The following ARHGAP42 variants were observed in gnomAD, a reference collection of about 807,000 sequenced individuals.
ARHGAP42 encodes the protein rho GTPase-activating protein 42.
Under a neutral mutation model 125.0 loss-of-function variants are expected in ARHGAP42, and 63 were observed. The ratio of observed to expected loss-of-function variants is 0.50; its 90% confidence interval spans 0.41 to 0.62. The LOEUF is 0.62. Ranked by LOEUF, ARHGAP42 falls within the 20% of genes least tolerant of loss-of-function variation. The pLI is 0.00. For synonymous variants in ARHGAP42, 339 were observed against 351.0 expected (o/e 0.97, Z 0.38); for missense variants, 766 against 1,024.2 (o/e 0.75, Z 3.44).
At chr11:100,715,635 A>G (rs1861647288) in intron 1 of ARHGAP42, among the ~76,000 whole-genome samples, 1 of 152,178 alleles carries the variant, frequency 6.6e-6, no homozygotes. Context: ...CCTGTCAGTG[A>G]TAGACTTTAG....
Position 100,979,043 on chromosome 11 carries a change from C to G in ARHGAP42, c.2450C>G (p.Ser817Cys), listed in dbSNP as rs904495849. ...ENVGSPKPVS[S>C]GRQAKAMYSC... ...GTTGGTTCACCTAAACCAGTTTCTT[C>G]TGGGCGGTAAGTTCTCCAAACCCTT... The change falls in exon 22 of 24, where the codon TCT (serine) becomes TGT (cysteine). Residue 817 changes from serine to cysteine, a missense_variant. By Grantham distance (112) the Ser-to-Cys change is moderately radical. Around this residue, in one of 3 missense-constraint regions of ARHGAP42, gnomAD observed 308 missense variants for 369.7 expected, o/e 0.83. Transcript: ENST00000298815. 67 of 1,551,436 alleles carry G rather than the reference C, an allele frequency of 4.3e-5. No homozygotes were observed. The highest frequency in any genetic ancestry group is 3.3e-4 in the Middle Eastern group (2 of 6,012).
intron 12 of ARHGAP42, among the ~76,000 whole-genome samples, chr11:100,959,603 C>G (rs1400774700): frequency 6.6e-6 from 1 of 152,030 alleles, no homozygotes; most frequent in Non-Finnish European, 1.5e-5. Context: ...AAAGAAAACA[C>G]GTAGTAAAGG....
chr11:100,912,040 C>A (rs1449232048), intron 4 of ARHGAP42, among the ~76,000 whole-genome samples: 2 of 152,198 alleles, frequency 1.3e-5, no homozygotes, highest in African/African-American at 4.8e-5. Context: ...TACCAGCTCA[C>A]TTCCTAAAAT....
intron 1 of ARHGAP42, among the ~76,000 whole-genome samples, chr11:100,747,980 C>A (rs370243782): frequency 2.0e-5 from 3 of 151,564 alleles, no homozygotes; most frequent in African/African-American, 7.3e-5. Context: ...TTCTACCCCC[C>A]ACCCCCCTTT....
chr11:100,943,643 C>A, intron 9 of ARHGAP42, 116 bp from the exon 10 acceptor site: 2 of 637,948 alleles, frequency 3.1e-6, no homozygotes, highest in Non-Finnish European at 5.2e-6. Flanking sequence ...TGATTGTGAC[C>A]TTTATACATA....
At chr11:100,721,694 G>A (rs1008116548) in intron 1 of ARHGAP42, among the ~76,000 whole-genome samples, 8 of 151,902 alleles carry the variant, frequency 5.3e-5, no homozygotes, top group Non-Finnish European at 1.0e-4. Flanking sequence ...GGGTGGTCTC[G>A]AGCTCCTGAC....
rs545875716 is a variant in ARHGAP42 at position 100,910,471 on chromosome 11, T to A, written c.385-2981T>A. ...TTACAGTATGAAGTCTCTATTTTTTTAAAATAATGCCATATCAATAAGAAA... is the reference window on the plus strand; with the variant it reads ...TTACAGTATGAAGTCTCTATTTTTTAAAAATAATGCCATATCAATAAGAAA... On this transcript the variant is annotated intron_variant, in intron 4 of 23. Coordinates refer to ENST00000298815, the MANE Select transcript of ARHGAP42 (RefSeq NM_152432.4). 1.6e-3 allele frequency among the ~76,000 whole-genome samples: 248 copies of A among 152,286 alleles called. 1 individual carries two copies. Among genetic ancestry groups the A allele is most frequent in the Non-Finnish European group, 2.2e-3 (151 of 68,018 alleles).
At chr11:100,692,497 T>C (rs779031981) in intron 1 of ARHGAP42, among the ~76,000 whole-genome samples, 5 of 152,236 alleles carry the variant, frequency 3.3e-5, no homozygotes, top group Non-Finnish European at 7.3e-5. Context: ...ATTCATTTTC[T>C]CACACTTTTC....
chr11:100,893,500 A>G (rs1866273723), intron 4 of ARHGAP42, among the ~76,000 whole-genome samples: 1 of 152,166 alleles, frequency 6.6e-6, no homozygotes, highest in African/African-American at 2.4e-5. Flanking sequence ...CATAAATAAG[A>G]CTGAAGGTGA....
chr11:100,711,304 T>C (rs141946867), intron 1 of ARHGAP42, among the ~76,000 whole-genome samples: 24 of 152,338 alleles, frequency 1.6e-4, no homozygotes, highest in Non-Finnish European at 2.2e-4. Context: ...TAGTCTCTTA[T>C]AGGTCCTTTA....
At chr11:100,925,502 C>G (rs1382362660) in intron 6 of ARHGAP42, among the ~76,000 whole-genome samples, 2 of 151,852 alleles carry the variant, frequency 1.3e-5, no homozygotes, top group East Asian at 3.9e-4. Flanking sequence ...CTTTGGGAGG[C>G]TGAGGCAGGC....
chr11:100,729,904 A>G (rs1038282520), intron 1 of ARHGAP42, among the ~76,000 whole-genome samples: 1 of 149,334 alleles, frequency 6.7e-6, no homozygotes, highest in Non-Finnish European at 1.5e-5. Flanking sequence ...TCTGCCTCCT[A>G]AGTTTAAGCG....
chr11:100,827,487 C>T (rs1481023556), intron 3 of ARHGAP42, among the ~76,000 whole-genome samples: 4 of 152,170 alleles, frequency 2.6e-5, no homozygotes, highest in Non-Finnish European at 5.9e-5. Flanking sequence ...GCATTCCTAA[C>T]CCAAAGGTGC....
At chr11:100,708,860 T>G (rs1441682328) in intron 1 of ARHGAP42, among the ~76,000 whole-genome samples, 1 of 152,180 alleles carries the variant, frequency 6.6e-6, no homozygotes, top group Non-Finnish European at 1.5e-5. Context: ...ATTGCTATAA[T>G]AAAGTTTAAT....
intron 4 of ARHGAP42, among the ~76,000 whole-genome samples, chr11:100,912,942 A>G (rs1220199421): frequency 5.3e-5 from 8 of 152,034 alleles, no homozygotes; most frequent in Non-Finnish European, 1.2e-4. Context: ...GAGTTGTTTG[A>G]TATTTCAGGT....
intron 3 of ARHGAP42, among the ~76,000 whole-genome samples, chr11:100,832,057 G>A (rs1265944673): frequency 6.6e-6 from 1 of 152,246 alleles, no homozygotes; most frequent in Non-Finnish European, 1.5e-5. Flanking sequence ...GTGTGTGCTG[G>A]ATGATTGGCT....
intron 1 of ARHGAP42, among the ~76,000 whole-genome samples, chr11:100,697,081 G>T (rs1047787556): frequency 6.6e-6 from 1 of 152,036 alleles, no homozygotes; most frequent in African/African-American, 2.4e-5. Context: ...CTGAATCTTG[G>T]CTTTACTCTG....
chr11:100,852,367 A>T (rs1404567447), intron 3 of ARHGAP42, among the ~76,000 whole-genome samples: 1 of 152,210 alleles, frequency 6.6e-6, no homozygotes, highest in East Asian at 1.9e-4. Context: ...ATTTGCTTTT[A>T]AACTTGCAAA....
intron 11 of ARHGAP42, among the ~76,000 whole-genome samples, chr11:100,949,247 G>A (rs904716594): frequency 5.9e-5 from 9 of 152,026 alleles, no homozygotes; most frequent in Non-Finnish European, 1.2e-4. Context: ...CAGACTTTGA[G>A]ACCCTCCCTC....
Sources: gnomAD v4.1 joint callset for allele counts (sites outside exome capture counted in the v4.1 genomes callset) on GRCh38, gnomAD v4.1.1 for gene constraint, gnomAD v4.1.1 regional missense constraint, MANE v1.5 for transcripts, NCBI Gene and HGNC (gene_info 2026-07-23, HGNC 2026-07-21) for gene names.